PTPRT: variants seen among roughly 807,000 people sequenced by gnomAD.
PTPRT encodes receptor-type tyrosine-protein phosphatase T.
In PTPRT, 56 loss-of-function variants were observed where a neutral mutation model predicts 176.8. The ratio of observed to expected loss-of-function variants is 0.32; its 90% CI spans 0.26 to 0.40. The LOEUF is 0.40. PTPRT is among the 10% of genes least tolerant of loss of function. The pLI, the probability that PTPRT is intolerant of heterozygous loss-of-function variation, is 1.00. For synonymous variants in PTPRT, 783 were observed against 739.0 expected (o/e 1.06, Z -0.96); for missense variants, 1,540 against 1,908.2 (o/e 0.81, Z 3.60).
intron 16 of PTPRT, among the ~76,000 whole-genome samples, chr20:42,181,518 C>G (rs1177973318): frequency 6.6e-6 from 1 of 152,184 alleles, no homozygotes; most frequent in Non-Finnish European, 1.5e-5. Context: ...CCCTTGTCCT[C>G]CTCCCTCAAC....
At chr20:42,205,755 T>C (rs1458757501) in intron 15 of PTPRT, among the ~76,000 whole-genome samples, 3 of 152,022 alleles carry the variant, frequency 2.0e-5, no homozygotes, top group African/African-American at 7.2e-5. Flanking sequence ...AATCTCCAGA[T>C]AAACTTTCCT....
At chr20:42,618,923 G>A (rs2074134316) in intron 7 of PTPRT, among the ~76,000 whole-genome samples, 1 of 151,286 alleles carries the variant, frequency 6.6e-6, no homozygotes, top group South Asian at 2.1e-4. Context: ...TTTAATTGGA[G>A]AATTTAGTCC....
chr20:42,356,779 G>T (rs1390985823), intron 9 of PTPRT, among the ~76,000 whole-genome samples: 1 of 152,188 alleles, frequency 6.6e-6, no homozygotes, highest in African/African-American at 2.4e-5. Context: ...ATGTGTCTCT[G>T]TCATGTGGTC....
At position 42,878,984 on chromosome 20, in the gene PTPRT, G is replaced by A. The variant is rs190580034; in HGVS notation, c.214+6823C>T. ...GCGGAGCTTGCAGTGAGCCGAGATCGTGCTACAGCACTCCAGCCCTGGCGA... is the reference window on the plus strand; with the variant it reads ...GCGGAGCTTGCAGTGAGCCGAGATCATGCTACAGCACTCCAGCCCTGGCGA... On this transcript the variant is annotated intron_variant, in intron 2 of 30. Transcript: ENST00000373187. Among the ~76,000 whole-genome samples, 9 of 152,208 alleles carry A rather than the reference G, an allele frequency of 5.9e-5. No homozygotes were observed. The South Asian group carries it at 8.3e-4, about 14-fold the overall frequency.
intron 1 of PTPRT, among the ~76,000 whole-genome samples, chr20:42,896,027 G>T (rs2079290017): frequency 1.3e-5 from 2 of 152,154 alleles, no homozygotes; most frequent in African/African-American, 2.4e-5. Context: ...GTCTCCCATT[G>T]TCTGCTAGCC....
intron 1 of PTPRT, among the ~76,000 whole-genome samples, chr20:43,071,116 TC>T (rs2011174808): frequency 1.3e-5 from 2 of 152,174 alleles, no homozygotes; most frequent in Admixed American, 1.3e-4. Flanking sequence ...CAGTTTGCAG[TC>T]CGGGGTTCCT....
At chr20:42,623,253 G>T (rs188881173) in intron 7 of PTPRT, among the ~76,000 whole-genome samples, 85 of 152,340 alleles carry the variant, frequency 5.6e-4, no homozygotes, top group African/African-American at 2.0e-3. Context: ...AAAAGAGCAT[G>T]CTGTAACATG....
chr20:42,199,604 T>C (rs1413404419), intron 15 of PTPRT, among the ~76,000 whole-genome samples: 2 of 152,152 alleles, frequency 1.3e-5, no homozygotes, highest in Non-Finnish European at 2.9e-5. Context: ...ATGCATGTGT[T>C]CTATGTTTGA....
chr20:42,548,794 C>T (rs776928807), intron 7 of PTPRT, among the ~76,000 whole-genome samples: 3 of 152,048 alleles, frequency 2.0e-5, no homozygotes, highest in African/African-American at 4.8e-5. Context: ...CTCCAAGAAA[C>T]GCGCAGGTGT....
chr20:42,743,225 A>G (rs938369504), intron 6 of PTPRT, among the ~76,000 whole-genome samples: 2 of 152,178 alleles, frequency 1.3e-5, no homozygotes, highest in African/African-American at 4.8e-5. Context: ...GCCCCTGGAT[A>G]GACATATAAA....
chr20:42,906,878 T>C (rs181838161), intron 1 of PTPRT, among the ~76,000 whole-genome samples: 3 of 150,456 alleles, frequency 2.0e-5, no homozygotes, highest in African/African-American at 7.3e-5. Context: ...AAAAAAAAAA[T>C]GTGAAACCTC....
intron 17 of PTPRT, among the ~76,000 whole-genome samples, chr20:42,152,887 A>G (rs529716927): frequency 1.3e-5 from 2 of 152,102 alleles, no homozygotes; most frequent in Non-Finnish European, 2.9e-5. Flanking sequence ...AATCTCCCCA[A>G]CTAGTTTCAT....
At chr20:43,179,732 G>A (rs988984437) in intron 1 of PTPRT, among the ~76,000 whole-genome samples, 14 of 152,160 alleles carry the variant, frequency 9.2e-5, no homozygotes, top group African/African-American at 3.4e-4. Context: ...ACTGGCATTA[G>A]TGCCCCCAAA....
rs147137537 is a variant in PTPRT, at chr20:42,792,929, C to T, written c.215-1463G>A. On this transcript the variant is annotated intron_variant, in intron 2 of 30. Coordinates refer to ENST00000373187, the MANE Select transcript of PTPRT (RefSeq NM_007050.6). Reference sequence around the variant, plus strand: ...GAGAGAGAGGAGTTCAAAACCTCCACGTTATTATTCACAAAGTAACTTGGA... The same window carrying T: ...GAGAGAGAGGAGTTCAAAACCTCCATGTTATTATTCACAAAGTAACTTGGA... Among the ~76,000 whole-genome samples the T allele has an allele frequency of 3.7e-3, 560 of 152,280 alleles. 3 individuals are homozygous for T. Among genetic ancestry groups the T allele is most frequent in the African/African-American group, 0.011 (476 of 41,552 alleles).
At chr20:42,916,008 C>T (rs1978720738) in intron 1 of PTPRT, among the ~76,000 whole-genome samples, 1 of 151,946 alleles carries the variant, frequency 6.6e-6, no homozygotes, top group Admixed American at 6.6e-5. Context: ...TACAGGTGCA[C>T]AATGTGCAGG....
chr20:42,356,402 C>T (rs1045324283), intron 9 of PTPRT, among the ~76,000 whole-genome samples: 2 of 152,058 alleles, frequency 1.3e-5, no homozygotes, highest in Admixed American at 6.6e-5. Flanking sequence ...TGCTTCATAA[C>T]AAAAATCCCA....
At chr20:42,516,267 T>TA (rs60640519) in intron 7 of PTPRT, among the ~76,000 whole-genome samples, 45 of 144,986 alleles carry the variant, frequency 3.1e-4, no homozygotes, top group Non-Finnish European at 4.7e-4. Context: ...AAAAATAAAT[T>TA]AAAAAAAAAA....
chr20:42,725,498 G>T lies in PTPRT; in HGVS notation c.859+30964C>A, dbSNP rs111332290. Among the ~76,000 whole-genome samples the T allele has an allele frequency of 7.1e-3, 1,086 of 152,082 alleles. 14 individuals carry two copies. Among genetic ancestry groups the T allele is most frequent in the African/African-American group, 0.025 (1,036 of 41,530 alleles). ...TCCACTTTACAAATGAGAAAAGTGA[G>T]GTTCAGAGAAGGGAAGGGTGGCCAA... On this transcript the variant is annotated intron_variant, in intron 6 of 30. Coordinates refer to ENST00000373187, the MANE Select transcript of PTPRT (RefSeq NM_007050.6).
intron 17 of PTPRT, among the ~76,000 whole-genome samples, chr20:42,151,326 G>A (rs916579261): frequency 6.6e-6 from 1 of 151,940 alleles, no homozygotes; most frequent in Non-Finnish European, 1.5e-5. Context: ...CCCCCTGACA[G>A]GCCCTGGGGT....
Sources: gnomAD v4.1 joint callset for allele counts (sites outside exome capture counted in the v4.1 genomes callset) on GRCh38, gnomAD v4.1.1 for gene constraint, MANE v1.5 for transcripts, NCBI Gene and HGNC (gene_info 2026-07-23, HGNC 2026-07-21) for gene names.